PPM1A: variants seen among roughly 807,000 people sequenced by gnomAD.
PPM1A encodes protein phosphatase 1A.
In PPM1A, 7 loss-of-function variants were observed where a neutral mutation model predicts 35.0. The observed-to-expected ratio is 0.20, with a 90% CI of 0.11 to 0.38. PPM1A has a LOEUF of 0.38. PPM1A is among the 10% of genes least tolerant of loss of function. The pLI is 1.00. For missense variants in PPM1A, 239 were observed against 467.8 expected (o/e 0.51, Z 4.51); for synonymous variants, 153 against 167.3 (o/e 0.91, Z 0.66).
chr14:60,255,257 C>T (rs1039546353), intron 1 of PPM1A, among the ~76,000 whole-genome samples: 13 of 148,178 alleles, frequency 8.8e-5, no homozygotes, highest in African/African-American at 1.0e-4. Context: ...CTGCAAGCTC[C>T]GCCTCCCGGG....
chr14:60,267,417 T>C (rs1343669138), intron 1 of PPM1A: 1 of 152,152 alleles, frequency 6.6e-6, no homozygotes, highest in Non-Finnish European at 1.5e-5. Context: ...TGTTGGCTCA[T>C]TGTTACGTTC....
At chr14:60,269,212 C>G (rs780725525) in intron 1 of PPM1A, among the ~76,000 whole-genome samples, 2 of 152,032 alleles carry the variant, frequency 1.3e-5, no homozygotes, top group African/African-American at 4.8e-5. Context: ...TAGTGTATTT[C>G]GACCACAACA....
chr14:60,272,095 G>T (rs1885202889), intron 1 of PPM1A, among the ~76,000 whole-genome samples: 2 of 149,402 alleles, frequency 1.3e-5, no homozygotes, highest in Admixed American at 6.7e-5. Flanking sequence ...TGTGTCATGT[G>T]ACATGAAGTG....
chr14:60,284,559 G>A (rs1005344524), intron 2 of PPM1A, among the ~76,000 whole-genome samples: 3 of 150,950 alleles, frequency 2.0e-5, no homozygotes, highest in South Asian at 2.1e-4. Flanking sequence ...GGAGAATGGC[G>A]TGAACCCGGG....
In PPM1A at chr14:60,292,343, T is replaced by C. The variant is rs1278531283; in HGVS notation, c.1120-110T>C. 2.6e-6 allele frequency: 2 copies of C among 776,722 alleles called. No homozygotes were observed. Among genetic ancestry groups the C allele is most frequent in the African/African-American group, 1.8e-5 (1 of 57,054 alleles). The allele number at this position is 776,722 out of a possible 1,614,324, so 48.1% of individuals were successfully genotyped here. A position where few individuals can be genotyped will look rare whatever the true frequency, so the allele number is the denominator to read the frequency against. ...TATACTTTAAAAAACATTTATATTC[T>C]AAAAGTCATCTTTACAGAACATTAT... On this transcript the variant is annotated intron_variant, in intron 5 of 5. Transcript: ENST00000395076. The surrounding 1 kb of genome is among the most constrained non-coding windows in gnomAD (Gnocchi z 4.2).
intron 1 of PPM1A, among the ~76,000 whole-genome samples, chr14:60,255,329 G>T (rs969821615): frequency 2.7e-5 from 4 of 150,490 alleles, no homozygotes; most frequent in African/African-American, 7.4e-5. Flanking sequence ...CCGCTACCAC[G>T]CCCGGCTAAT....
upstream of PPM1A, among the ~76,000 whole-genome samples, chr14:60,247,884 A>C (rs561958492): frequency 2.6e-5 from 4 of 152,292 alleles, no homozygotes; most frequent in South Asian, 8.3e-4. Context: ...ACATAAATTT[A>C]CCTTTTTTAC....
upstream of PPM1A, among the ~76,000 whole-genome samples, chr14:60,248,326 A>G (rs1177016421): frequency 6.6e-6 from 1 of 152,186 alleles, no homozygotes; most frequent in Non-Finnish European, 1.5e-5. Flanking sequence ...CCCTTAACCT[A>G]CCTCATTGGA....
At chr14:60,286,525 A>C (rs1887029303) in intron 3 of PPM1A, 1 of 985,178 alleles carries the variant, frequency 1.0e-6, no homozygotes, top group African/African-American at 1.7e-5. Flanking sequence ...GGTAGAAAAA[A>C]AACAAGAAAA....
At chr14:60,253,980 A>G (rs1436584080) in intron 1 of PPM1A, among the ~76,000 whole-genome samples, 1 of 152,154 alleles carries the variant, frequency 6.6e-6, no homozygotes, top group Non-Finnish European at 1.5e-5. Flanking sequence ...TTTTTATGTC[A>G]AGTGGAAATA....
In PPM1A at chr14:60,296,571, A is replaced by G. The variant is rs1459290595; in HGVS notation, c.*4089A>G. 2 of 320,500 alleles carry G rather than the reference A, an allele frequency of 6.2e-6. No individual in the cohort carries two copies. Among genetic ancestry groups the G allele is most frequent in the Non-Finnish European group, 1.2e-5 (2 of 173,166 alleles). 19.9% of individuals were successfully genotyped at this position (320,500 alleles called of 1,614,324 possible). A position where few individuals can be genotyped will look rare whatever the true frequency, so the allele number is the denominator to read the frequency against. On this transcript the variant is annotated 3_prime_UTR_variant, in exon 6 of 6. Transcript: ENST00000395076. The surrounding 1 kb of genome is among the most constrained non-coding windows in gnomAD (Gnocchi z 4.4). ...TAGTCTTCTAGTTTTTCTTTTAGGC[A>G]TTAGGAAGCCTTCTTTAGAGTTCAA...
At position 60,298,304 on chromosome 14, in the gene PPM1A, G is replaced by A. The variant is rs1888212889; in HGVS notation, c.*5822G>A. 1 of 151,564 alleles carries A rather than the reference G, an allele frequency of 6.6e-6. No individual in the cohort carries two copies. The allele number at this position is 151,564 out of a possible 1,614,324, so 9.4% of individuals were successfully genotyped here. On this transcript the variant is annotated 3_prime_UTR_variant, in exon 6 of 6. Transcript: ENST00000395076. ...AGATCTCCAGGTTTTAAGATTTTGA[G>A]CTTTCTAGTATTAGGATTCATTAAA...
upstream of PPM1A, among the ~76,000 whole-genome samples, chr14:60,247,555 G>C (rs998019441): frequency 6.8e-6 from 1 of 147,824 alleles, no homozygotes; most frequent in Admixed American, 6.8e-5. Context: ...GCATGAACCC[G>C]GGAGGCGGAG....
chr14:60,289,974 C>A lies in PPM1A; in HGVS notation c.1061+60C>A, dbSNP rs747984456. 1 of 1,170,510 alleles carries A rather than the reference C, an allele frequency of 8.5e-7. No individual in the cohort carries two copies. Among genetic ancestry groups the A allele is most frequent in the South Asian group, 1.5e-5 (1 of 67,112 alleles). The allele number at this position is 1,170,510 out of a possible 1,614,324, so 72.5% of individuals were successfully genotyped here. The stretch of plus-strand genomic sequence containing the variant: ...TCAGTGTATGAAAATGTTAGGTATT[C>A]ATTGATAAAATGTTTGTTTGCCTAA... On this transcript the variant is annotated intron_variant, in intron 4 of 5. Coordinates refer to ENST00000395076, the MANE Select transcript of PPM1A (RefSeq NM_021003.5). The surrounding 1 kb of genome is among the most constrained non-coding windows in gnomAD (Gnocchi z 4.1).
upstream of PPM1A, among the ~76,000 whole-genome samples, chr14:60,246,912 T>C (rs1595239812): frequency 1.3e-5 from 2 of 152,310 alleles, 1 homozygote; most frequent in East Asian, 3.9e-4. Flanking sequence ...TCTTCTACAA[T>C]TGACCCAGAT....
chr14:60,271,175 G>A (rs763266284), intron 1 of PPM1A, among the ~76,000 whole-genome samples: 7 of 152,064 alleles, frequency 4.6e-5, no homozygotes, highest in Non-Finnish European at 8.8e-5. Flanking sequence ...TAAGACCAGC[G>A]TCTTCAAATC....
intron 1 of PPM1A, among the ~76,000 whole-genome samples, chr14:60,259,196 G>T (rs567390717): frequency 3.9e-5 from 6 of 152,038 alleles, no homozygotes; most frequent in Non-Finnish European, 8.8e-5. Flanking sequence ...TTTGAAAAAT[G>T]TTAGATTATA....
intron 1 of PPM1A, among the ~76,000 whole-genome samples, chr14:60,272,690 CAAAAAAAAAAAAA>C (rs34892158): frequency 4.4e-5 from 3 of 68,598 alleles, no homozygotes; most frequent in Admixed American, 1.7e-4. Flanking sequence ...GACTCTGTCT[CAAAAAAAAAAAAA>C]AAAAAAAAAA....
At position 60,292,503 on chromosome 14, in the gene PPM1A, AG is replaced by A; in HGVS notation, c.*22del. On this transcript the variant is annotated 3_prime_UTR_variant, in exon 6 of 6. Transcript: ENST00000395076. The surrounding 1 kb of genome is among the most constrained non-coding windows in gnomAD (Gnocchi z 4.2). The stretch of plus-strand genomic sequence containing the variant: ...GGTAAAACTGCTCATCTAGCCATGG[AG>A]TTTACCTTCACCTCCAAAGGAGAGT... 1 of 1,584,886 alleles carries A rather than the reference AG, an allele frequency of 6.3e-7. No individual in the cohort carries two copies.
Sources: gnomAD v4.1 joint callset for allele counts (sites outside exome capture counted in the v4.1 genomes callset) on GRCh38, gnomAD v4.1.1 for gene constraint, Gnocchi (gnomAD v3.1) non-coding constraint, MANE v1.5 for transcripts, NCBI Gene and HGNC (gene_info 2026-07-23, HGNC 2026-07-21) for gene names.